SCIN: variants seen among roughly 807,000 people sequenced by gnomAD.
SCIN encodes the protein scinderin.
A neutral mutation model predicts 91.8 loss-of-function variants in SCIN; 91 were observed. That is an observed-to-expected ratio of 0.99 (90% CI 0.84 to 1.18). The LOEUF (loss-of-function observed/expected upper bound fraction) is 1.18, where lower values mean the gene tolerates loss of function less well. Among genes scored for constraint, SCIN ranks in the 50% most tolerant of loss-of-function variants. The pLI is 0.00. For missense variants in SCIN, 1,087 were observed against 863.9 expected (o/e 1.26, Z -3.24); for synonymous variants, 367 against 312.6 (o/e 1.17, Z -1.84).
At chr7:12,608,243 T>G (rs1783118699) in intron 4 of SCIN, among the ~76,000 whole-genome samples, 1 of 152,042 alleles carries the variant, frequency 6.6e-6, no homozygotes, top group Non-Finnish European at 1.5e-5. Context: ...TTTATGCATT[T>G]AGCAAATATT....
At chr7:12,610,000 A>G (rs1431335475) in intron 4 of SCIN, among the ~76,000 whole-genome samples, 3 of 152,212 alleles carry the variant, frequency 2.0e-5, no homozygotes, top group East Asian at 1.9e-4. Context: ...GGAGATAAGC[A>G]TGCACTAGAA....
rs1784075764 is a variant in SCIN, at chr7:12,651,398, T to A, written c.1960-443T>A. Reference sequence around the variant, plus strand: ...CAGATCTTCCCCTACAAAAGGCAGATTTGCAGGGCTATTTCTGTTTGCAAG... The same window carrying A: ...CAGATCTTCCCCTACAAAAGGCAGAATTGCAGGGCTATTTCTGTTTGCAAG... On this transcript the variant is annotated intron_variant, in intron 14 of 15. Coordinates refer to ENST00000297029, the MANE Select transcript of SCIN (RefSeq NM_001112706.3). This position sits in a 1 kb window ranked among gnomAD's most constrained non-coding sequence, Gnocchi z 5.9. Among the ~76,000 whole-genome samples the A allele has an allele frequency of 6.6e-6, 1 of 152,212 alleles. No individual in the cohort carries two copies. The highest frequency in any genetic ancestry group is 6.5e-5 in the Admixed American group (1 of 15,278).
chr7:12,626,086 T>C, intron 7 of SCIN: 1 of 461,196 alleles, frequency 2.2e-6, no homozygotes, highest in East Asian at 3.6e-5. Context: ...CTCCACAGCC[T>C]TTAATTCAAG....
At chr7:12,604,428 C>G (rs902301657) in intron 3 of SCIN, 86 bp from the exon 4 acceptor site, 1 of 1,236,482 alleles carries the variant, frequency 8.1e-7, no homozygotes, top group Non-Finnish European at 1.1e-6. Context: ...TTTCCTTTTT[C>G]TTTCCTAATT....
intron 3 of SCIN, chr7:12,588,821 G>GGGC (rs1562599532): frequency 9.7e-5 from 3 of 30,898 alleles, no homozygotes; most frequent in East Asian, 2.0e-3. Flanking sequence ...GGGGGGGGGG[G>GGGC]TGCGGGGGCG....
In SCIN at chr7:12,585,467, C is replaced by T. The variant is rs146734791; in HGVS notation, c.516+4246C>T. 2.9e-3 allele frequency among the ~76,000 whole-genome samples: 446 copies of T among 152,240 alleles called. 3 individuals carry two copies. Among genetic ancestry groups the T allele is most frequent in the Non-Finnish European group, 4.3e-3 (290 of 68,014 alleles). ...CCCCACCCAGAGCTTCAACTACTACCCATGAGTCAATCTAAACTTTAAATC... is the reference window on the plus strand; with the variant it reads ...CCCCACCCAGAGCTTCAACTACTACTCATGAGTCAATCTAAACTTTAAATC... On this transcript the variant is annotated intron_variant, in intron 3 of 15. Coordinates refer to ENST00000297029, the MANE Select transcript of SCIN (RefSeq NM_001112706.3).
In SCIN at chr7:12,651,474, A is replaced by T. The variant is rs1191905190; in HGVS notation, c.1960-367A>T. ...TGTCAAAGAAGTGTATTCGGAGGTG[A>T]AATATTTTGGTTTCCTTCGACTGCT... On this transcript the variant is annotated intron_variant, in intron 14 of 15. Transcript: ENST00000297029. The surrounding 1 kb of genome is among the most constrained non-coding windows in gnomAD (Gnocchi z 5.9). 4.6e-5 allele frequency among the ~76,000 whole-genome samples: 7 copies of T among 152,136 alleles called. No individual in the cohort carries two copies. Among genetic ancestry groups the T allele is most frequent in the African/African-American group, 1.4e-4 (6 of 41,424 alleles).
intron 9 of SCIN, among the ~76,000 whole-genome samples, chr7:12,631,511 T>G (rs932425467): frequency 6.6e-5 from 10 of 152,002 alleles, no homozygotes; most frequent in Admixed American, 2.6e-4. Flanking sequence ...ATTTAAGAGG[T>G]GATAGCTCTC....
chr7:12,629,280 T>C (rs1783595973), intron 9 of SCIN, 58 bp downstream of exon 9: 1 of 1,506,280 alleles, frequency 6.6e-7, no homozygotes, highest in African/African-American at 1.4e-5. Flanking sequence ...TGCTCCAAAG[T>C]ATTAAATTCT....
chr7:12,590,389 A>G (rs1782692983), intron 3 of SCIN, among the ~76,000 whole-genome samples: 1 of 151,948 alleles, frequency 6.6e-6, no homozygotes, highest in Non-Finnish European at 1.5e-5. Context: ...AGCATATAGG[A>G]CAGTTTGAGG....
chr7:12,635,939 G>T (rs1055928554), intron 9 of SCIN, 106 bp from the exon 10 acceptor site: 3 of 798,214 alleles, frequency 3.8e-6, no homozygotes, highest in African/African-American at 1.7e-5. Context: ...AAAACAGTTC[G>T]CTTCTTCTTG....
At position 12,652,441 on chromosome 7, in the gene SCIN, G is replaced by A. The variant is rs139293365; in HGVS notation, c.2021-147G>A. The A allele has an allele frequency of 1.9e-4, 132 of 707,730 alleles. 1 individual carries two copies. The East Asian group carries it at 3.3e-3, about 18-fold the overall frequency. 43.8% of individuals were successfully genotyped at this position (707,730 alleles called of 1,614,324 possible). A position where few individuals can be genotyped will look rare whatever the true frequency, so the allele number is the denominator to read the frequency against. ...TACTTTGATTTGAAGAATTGTATTCGAAGAATTTTCATTTTCAATGTAGCC... is the reference window on the plus strand; with the variant it reads ...TACTTTGATTTGAAGAATTGTATTCAAAGAATTTTCATTTTCAATGTAGCC... On this transcript the variant is annotated intron_variant, in intron 15 of 15. Transcript: ENST00000297029.
intron 4 of SCIN, among the ~76,000 whole-genome samples, chr7:12,612,789 A>C (rs935812209): frequency 6.6e-6 from 1 of 152,218 alleles, no homozygotes; most frequent in Non-Finnish European, 1.5e-5. Flanking sequence ...GTTCTGAACA[A>C]AGATAAGAAA....
chr7:12,597,721 C>A (rs1489748935), intron 3 of SCIN, among the ~76,000 whole-genome samples: 1 of 152,206 alleles, frequency 6.6e-6, no homozygotes. Flanking sequence ...GCTCTTATTT[C>A]TTGTAACTAG....
rs187931761 is a variant in SCIN at position 12,608,039 on chromosome 7, C to T, written c.666+3376C>T. On this transcript the variant is annotated intron_variant, in intron 4 of 15. Coordinates refer to ENST00000297029, the MANE Select transcript of SCIN (RefSeq NM_001112706.3). Reference sequence around the variant, plus strand: ...TTCAGCTCACATTATAGCTATTGTACACAACCTCAAAATACGTTTATGCTC... The same window carrying T: ...TTCAGCTCACATTATAGCTATTGTATACAACCTCAAAATACGTTTATGCTC... Among the ~76,000 whole-genome samples, 20 of 152,244 alleles carry T rather than the reference C, an allele frequency of 1.3e-4. No homozygotes were observed. In the East Asian group the frequency reaches 1.5e-3, roughly 12 times the overall value.
At chr7:12,633,732 C>T (rs7796943) in intron 9 of SCIN, among the ~76,000 whole-genome samples, 2,842 of 152,208 alleles carry the variant, frequency 0.019, 75 homozygotes, top group African/African-American at 0.064. Context: ...AGCGAGAACT[C>T]AGGAAACCAC....
chr7:12,639,277 T>A (rs912521510), intron 10 of SCIN, among the ~76,000 whole-genome samples: 1 of 152,264 alleles, frequency 6.6e-6, no homozygotes, highest in East Asian at 1.9e-4. Context: ...TTTTAGGTAT[T>A]TGTGAGACTA....
At chr7:12,590,605 G>T (rs1279011258) in intron 3 of SCIN, among the ~76,000 whole-genome samples, 1 of 152,074 alleles carries the variant, frequency 6.6e-6, no homozygotes, top group Non-Finnish European at 1.5e-5. Flanking sequence ...CTTTCTCGGT[G>T]GGAGAGTTCT....
At position 12,586,097 on chromosome 7, in the gene SCIN, G is replaced by T. The variant is rs573777971; in HGVS notation, c.516+4876G>T. 2.0e-5 allele frequency among the ~76,000 whole-genome samples: 3 copies of T among 152,154 alleles called. No homozygotes were observed. The East Asian group carries it at 5.8e-4, about 29-fold the overall frequency. ...TACTTATCAGCCTTCCTCACTCACT[G>T]TGTTTCTAAAATATAAAGCCTACAA... On this transcript the variant is annotated intron_variant, in intron 3 of 15. Coordinates refer to ENST00000297029, the MANE Select transcript of SCIN (RefSeq NM_001112706.3).
Sources: gnomAD v4.1 joint callset for allele counts (sites outside exome capture counted in the v4.1 genomes callset) on GRCh38, gnomAD v4.1.1 for gene constraint, Gnocchi (gnomAD v3.1) non-coding constraint, MANE v1.5 for transcripts, NCBI Gene and HGNC (gene_info 2026-07-23, HGNC 2026-07-21) for gene names.